MDGA2: variants seen among roughly 807,000 people sequenced by gnomAD.
MDGA2 encodes the protein MAM domain containing glycosylphosphatidylinositol anchor 2.
A neutral mutation model predicts 117.8 loss-of-function variants in MDGA2; 40 were observed. That is an observed-to-expected ratio of 0.34 (90% confidence interval 0.26 to 0.44). MDGA2 has a LOEUF of 0.44. MDGA2 is among the 20% of genes least tolerant of loss of function. The pLI is 1.00. For synonymous variants in MDGA2, 452 were observed against 439.0 expected (o/e 1.03, Z -0.37); for missense variants, 1,123 against 1,250.6 (o/e 0.90, Z 1.54).
chr14:47,127,849 G>T (rs1269764425), intron 5 of MDGA2, among the ~76,000 whole-genome samples: 1 of 151,710 alleles, frequency 6.6e-6, no homozygotes, highest in Non-Finnish European at 1.5e-5. Flanking sequence ...TACTTTAAAA[G>T]ATCTCAGGAA....
intron 1 of MDGA2, among the ~76,000 whole-genome samples, chr14:47,323,193 T>TCC (rs1890040193): frequency 1.6e-5 from 2 of 128,078 alleles, no homozygotes; most frequent in African/African-American, 3.0e-5. Context: ...TATATATATA[T>TCC]GGTATATAGT....
At chr14:47,044,608 CTT>C (rs764690104) in intron 7 of MDGA2, among the ~76,000 whole-genome samples, 3 of 151,990 alleles carry the variant, frequency 2.0e-5, no homozygotes, top group Non-Finnish European at 4.4e-5. Context: ...TAATACATCT[CTT>C]ATCACACTCT....
At chr14:46,958,419 G>C (rs1885649218) in intron 8 of MDGA2, among the ~76,000 whole-genome samples, 1 of 152,082 alleles carries the variant, frequency 6.6e-6, no homozygotes, top group Non-Finnish European at 1.5e-5. Flanking sequence ...GCATTTTCTT[G>C]GTATTGAGGA....
chr14:47,505,059 T>C (rs889252813), intron 1 of MDGA2, among the ~76,000 whole-genome samples: 2 of 152,180 alleles, frequency 1.3e-5, no homozygotes, highest in Non-Finnish European at 2.9e-5. Context: ...TGGATGAACC[T>C]GCAGGACATC....
Position 47,010,083 on chromosome 14 carries a change from T to C in MDGA2, c.1819+24928A>G, listed in dbSNP as rs1240597007. ...GGATTGAATCTTCCTCCATTAATGA[T>C]CTTGTAACATCAAGTCCCTGTGGCA... On this transcript the variant is annotated intron_variant, in intron 8 of 16. Transcript: ENST00000399232. 2.0e-5 allele frequency among the ~76,000 whole-genome samples: 3 copies of C among 152,056 alleles called. No homozygotes were observed. The East Asian group carries it at 5.8e-4, about 29-fold the overall frequency.
At chr14:46,993,204 G>A (rs1384691267) in intron 8 of MDGA2, among the ~76,000 whole-genome samples, 1 of 152,004 alleles carries the variant, frequency 6.6e-6, no homozygotes. Flanking sequence ...AAATAGCATT[G>A]TTTATTAAGC....
intron 9 of MDGA2, among the ~76,000 whole-genome samples, chr14:46,952,621 T>A (rs1885408550): frequency 6.6e-6 from 1 of 151,958 alleles, no homozygotes; most frequent in African/African-American, 2.4e-5. Flanking sequence ...TGCACCTTTC[T>A]ATTTGGCTGA....
chr14:47,468,290 T>C (rs1420110413), intron 1 of MDGA2, among the ~76,000 whole-genome samples: 1 of 152,124 alleles, frequency 6.6e-6, no homozygotes, highest in Non-Finnish European at 1.5e-5. Flanking sequence ...GAGTAATGAA[T>C]AGATTTCTTC....
chr14:47,462,212 T>C (rs1165425269), intron 1 of MDGA2, among the ~76,000 whole-genome samples: 1 of 151,724 alleles, frequency 6.6e-6, no homozygotes, highest in Non-Finnish European at 1.5e-5. Flanking sequence ...CCGTCGCTAC[T>C]AAAAATACAA....
At chr14:47,482,655 C>A (rs533684033) in intron 1 of MDGA2, among the ~76,000 whole-genome samples, 26 of 152,120 alleles carry the variant, frequency 1.7e-4, no homozygotes, top group Admixed American at 6.6e-4. Context: ...CCTCTCTCTT[C>A]CTTCTTCATT....
At chr14:47,456,118 T>C (rs1244467118) in intron 1 of MDGA2, among the ~76,000 whole-genome samples, 1 of 152,006 alleles carries the variant, frequency 6.6e-6, no homozygotes, top group Non-Finnish European at 1.5e-5. Context: ...TAACAAGCAT[T>C]GTAAGTGAAA....
intron 1 of MDGA2, among the ~76,000 whole-genome samples, chr14:47,601,637 T>C (rs1046274091): frequency 2.0e-5 from 3 of 152,194 alleles, no homozygotes; most frequent in Non-Finnish European, 4.4e-5. Flanking sequence ...GACAATAGCA[T>C]GTCAGAGTTA....
chr14:47,283,807 A>T (rs1247307644), intron 2 of MDGA2, among the ~76,000 whole-genome samples: 3 of 152,222 alleles, frequency 2.0e-5, no homozygotes, highest in African/African-American at 7.2e-5. Flanking sequence ...TAATAAATAA[A>T]CAGCAAGACA....
At chr14:46,873,714 T>C in intron 13 of MDGA2, 123 bp from the exon 14 acceptor site, 1 of 894,030 alleles carries the variant, frequency 1.1e-6, no homozygotes, top group Non-Finnish European at 1.6e-6. Context: ...TTGCATCTCA[T>C]TTATAAAATC....
rs186031729 is a variant in MDGA2, at chr14:47,095,125, T to C, written c.1195+1729A>G. 4.6e-3 allele frequency among the ~76,000 whole-genome samples: 700 copies of C among 152,128 alleles called. 3 individuals carry two copies. Among genetic ancestry groups the C allele is most frequent in the African/African-American group, 0.016 (665 of 41,550 alleles). Reference sequence around the variant, plus strand: ...CATTTGCTGAGTCCTTAGCCCATGGTAGTTGTGCAGTAGAAGTTCATTAAA... The same window carrying C: ...CATTTGCTGAGTCCTTAGCCCATGGCAGTTGTGCAGTAGAAGTTCATTAAA... On this transcript the variant is annotated intron_variant, in intron 6 of 16. Coordinates refer to ENST00000399232, the MANE Select transcript of MDGA2 (RefSeq NM_001113498.3).
intron 1 of MDGA2, among the ~76,000 whole-genome samples, chr14:47,549,535 G>T: frequency 6.6e-6 from 1 of 152,016 alleles, no homozygotes; most frequent in African/African-American, 2.4e-5. Flanking sequence ...AATATGCAAA[G>T]CATCAGCAAT....
intron 6 of MDGA2, among the ~76,000 whole-genome samples, chr14:47,080,889 T>TATA (rs1315818996): frequency 2.0e-5 from 3 of 152,306 alleles, no homozygotes; most frequent in African/African-American, 7.2e-5. Flanking sequence ...AAGTCTCTGT[T>TATA]ATATTAAAAA....
At chr14:47,656,278 A>G (rs1475785313) in intron 1 of MDGA2, among the ~76,000 whole-genome samples, 1 of 152,188 alleles carries the variant, frequency 6.6e-6, no homozygotes, top group Non-Finnish European at 1.5e-5. Context: ...GCAAACCCCT[A>G]CATCTTTCCT....
At chr14:47,187,434 C>T (rs1296964646) in intron 3 of MDGA2, among the ~76,000 whole-genome samples, 1 of 151,992 alleles carries the variant, frequency 6.6e-6, no homozygotes, top group African/African-American at 2.4e-5. Context: ...GACTTACATG[C>T]ATTTTTAGCA....
Sources: gnomAD v4.1 joint callset for allele counts (sites outside exome capture counted in the v4.1 genomes callset) on GRCh38, gnomAD v4.1.1 for gene constraint, MANE v1.5 for transcripts, NCBI Gene and HGNC (gene_info 2026-07-23, HGNC 2026-07-21) for gene names.